The following FOXN3 variants were observed in gnomAD, a reference collection of about 807,000 sequenced individuals.
FOXN3 encodes forkhead box N3.
FOXN3 carries 7 observed loss-of-function variants against 38.4 expected under a neutral mutation model. The observed-to-expected ratio is 0.18, with a 90% CI of 0.10 to 0.34. FOXN3 has a LOEUF of 0.34. FOXN3 is among the 10% of genes least tolerant of loss of function. The pLI, the probability that FOXN3 is intolerant of heterozygous loss-of-function variation, is 1.00. For missense variants in FOXN3, 456 were observed against 613.4 expected (o/e 0.74, Z 2.71); for synonymous variants, 230 against 242.2 (o/e 0.95, Z 0.47).
At chr14:89,309,610 CA>C (rs1887472675) in intron 3 of FOXN3, among the ~76,000 whole-genome samples, 2 of 152,136 alleles carry the variant, frequency 1.3e-5, no homozygotes, top group African/African-American at 4.8e-5. Context: ...CACTTTAGCC[CA>C]GGGGGGTCTC....
intron 2 of FOXN3, among the ~76,000 whole-genome samples, chr14:89,363,670 T>G (rs973893574): frequency 2.0e-5 from 3 of 152,216 alleles, no homozygotes; most frequent in African/African-American, 7.2e-5. Flanking sequence ...TTAATCCACT[T>G]AATTCTCCTC....
At chr14:89,570,156 C>T (rs1046339346) in intron 1 of FOXN3, among the ~76,000 whole-genome samples, 7 of 152,038 alleles carry the variant, frequency 4.6e-5, no homozygotes, top group Non-Finnish European at 8.8e-5. Flanking sequence ...CATGCCACCA[C>T]GCCCGGCTAA....
intron 1 of FOXN3, among the ~76,000 whole-genome samples, chr14:89,452,427 G>A (rs1469015022): frequency 2.6e-5 from 4 of 152,180 alleles, no homozygotes; most frequent in Non-Finnish European, 4.4e-5. Flanking sequence ...AGCTGAGACC[G>A]TCATCGACCA....
At chr14:89,577,641 C>T (rs1273442435) in intron 1 of FOXN3, among the ~76,000 whole-genome samples, 1 of 152,116 alleles carries the variant, frequency 6.6e-6, no homozygotes. Context: ...CAGCTTCAAA[C>T]ACCTCACACT....
chr14:89,300,477 C>T (rs1379541693), intron 3 of FOXN3, among the ~76,000 whole-genome samples: 1 of 152,210 alleles, frequency 6.6e-6, no homozygotes, highest in Non-Finnish European at 1.5e-5. Context: ...CCACTGTGCC[C>T]AGCCAAGAAA....
chr14:89,212,142 A>T (rs1446503743), intron 4 of FOXN3, among the ~76,000 whole-genome samples: 1 of 152,244 alleles, frequency 6.6e-6, no homozygotes, highest in Non-Finnish European at 1.5e-5. Context: ...CAGCCTCCAG[A>T]ACTGTGAGAC....
chr14:89,431,248 T>C (rs2140113805), intron 1 of FOXN3, among the ~76,000 whole-genome samples: 1 of 152,260 alleles, frequency 6.6e-6, no homozygotes, highest in East Asian at 1.9e-4. Flanking sequence ...CCAGGCTGGA[T>C]GGAGTGCAGT....
At chr14:89,459,308 A>G (rs577814721) in intron 1 of FOXN3, among the ~76,000 whole-genome samples, 2 of 152,338 alleles carry the variant, frequency 1.3e-5, no homozygotes, top group East Asian at 3.9e-4. Context: ...AAAAGGTCAC[A>G]TTATTTCTTG....
At position 89,163,668 on chromosome 14, in the gene FOXN3, G is replaced by A. The variant is rs553630431; in HGVS notation, c.852-699C>T. 7.2e-5 allele frequency among the ~76,000 whole-genome samples: 11 copies of A among 152,280 alleles called. No individual in the cohort carries two copies. The highest frequency in any genetic ancestry group is 2.2e-4 in the African/African-American group (9 of 41,558). ...AGAGGGCAATAAACTACGACTTCCC[G>A]AACTCAACACCTGCCAGGCGCTCTG... On this transcript the variant is annotated intron_variant, in intron 5 of 5. Coordinates refer to ENST00000557258, the MANE Select transcript of FOXN3 (RefSeq NM_005197.4). This position sits in a 1 kb window ranked among gnomAD's most constrained non-coding sequence, Gnocchi z 4.3.
intron 4 of FOXN3, chr14:89,183,984 C>G (rs1195854911): frequency 1.3e-5 from 2 of 152,090 alleles, no homozygotes; most frequent in African/African-American, 4.8e-5. Context: ...ACGGAAGGCA[C>G]GAGTATTTGG....
chr14:89,404,592 T>C (rs953622166), intron 2 of FOXN3, among the ~76,000 whole-genome samples: 1 of 150,888 alleles, frequency 6.6e-6, no homozygotes, highest in African/African-American at 2.4e-5. Context: ...TATGAATGGC[T>C]TCCTATTCCA....
At chr14:89,312,825 T>G (rs954204749) in intron 3 of FOXN3, among the ~76,000 whole-genome samples, 2 of 152,326 alleles carry the variant, frequency 1.3e-5, no homozygotes, top group Admixed American at 6.5e-5. Context: ...ACAGAGGTTA[T>G]GAGCACTCGC....
intron 1 of FOXN3, among the ~76,000 whole-genome samples, chr14:89,475,804 A>C (rs937714442): frequency 5.9e-5 from 9 of 152,250 alleles, no homozygotes; most frequent in African/African-American, 2.2e-4. Flanking sequence ...GGGATAATGA[A>C]GAATCATATA....
At chr14:89,405,727 C>T (rs1368456210) in intron 2 of FOXN3, among the ~76,000 whole-genome samples, 1 of 152,128 alleles carries the variant, frequency 6.6e-6, no homozygotes, top group African/African-American at 2.4e-5. Flanking sequence ...TCTGTATTTG[C>T]CTTTCTCTAT....
intron 1 of FOXN3, among the ~76,000 whole-genome samples, chr14:89,528,198 C>T (rs1894470453): frequency 6.6e-6 from 1 of 152,028 alleles, no homozygotes; most frequent in African/African-American, 2.4e-5. Context: ...ATATGTCCTC[C>T]ATACAGAGAC....
At chr14:89,285,863 ATT>A (rs34767285) in intron 3 of FOXN3, among the ~76,000 whole-genome samples, 79 of 146,002 alleles carry the variant, frequency 5.4e-4, no homozygotes, top group African/African-American at 1.7e-3. Flanking sequence ...TTTACCAAAA[ATT>A]TTTTTTTTTT....
At position 89,498,210 on chromosome 14, in the gene FOXN3, C is replaced by CTTTTT. The variant is rs547081117; in HGVS notation, c.-14-85725_-14-85721dup. On this transcript the variant is annotated intron_variant, in intron 1 of 6. Coordinates refer to the FOXN3 transcript ENST00000345097. ...TCTGGCTGCTTCTCTCTCTCTCTCT[C>CTTTTT]TTTTTTTTTTTTTTTTTTTTTTTTG... 2.2e-3 allele frequency among the ~76,000 whole-genome samples: 179 copies of CTTTTT among 81,048 alleles called. 3 individuals carry two copies. Among genetic ancestry groups the CTTTTT allele is most frequent in the African/African-American group, 4.9e-3 (84 of 17,216 alleles). 53.2% of individuals were successfully genotyped at this position (81,048 alleles called of 152,430 possible). A position where few individuals can be genotyped will look rare whatever the true frequency, so the allele number is the denominator to read the frequency against.
intron 4 of FOXN3, among the ~76,000 whole-genome samples, chr14:89,226,200 G>A (rs1204349607): frequency 6.6e-6 from 1 of 150,994 alleles, no homozygotes; most frequent in African/African-American, 2.5e-5. Context: ...GGAGGGACAG[G>A]GAGAGGGAAA....
chr14:89,450,829 C>T (rs7141848), intron 1 of FOXN3, among the ~76,000 whole-genome samples: 8,563 of 152,212 alleles, frequency 0.056, 284 homozygotes, highest in Middle Eastern at 0.078. Context: ...TGGTGATCCG[C>T]CCACCTCGGC....
Sources: gnomAD v4.1 joint callset for allele counts (sites outside exome capture counted in the v4.1 genomes callset) on GRCh38, gnomAD v4.1.1 for gene constraint, Gnocchi (gnomAD v3.1) non-coding constraint, MANE v1.5 for transcripts, NCBI Gene and HGNC (gene_info 2026-07-23, HGNC 2026-07-21) for gene names.